The following ECHDC1 variants were observed in gnomAD, a reference collection of about 807,000 sequenced individuals.
ECHDC1 encodes the protein ethylmalonyl-CoA decarboxylase 1.
ECHDC1 carries 29 observed loss-of-function variants against 29.7 expected under a neutral mutation model. The observed-to-expected ratio is 0.98, with a 90% CI of 0.73 to 1.33. ECHDC1 has a LOEUF of 1.33. ECHDC1 is among the 40% of genes most tolerant of loss of function. The pLI, the probability that ECHDC1 is intolerant of heterozygous loss-of-function variation, is 0.00. For missense variants in ECHDC1, 328 were observed against 350.0 expected (o/e 0.94, Z 0.50); for synonymous variants, 126 against 123.1 (o/e 1.02, Z -0.15).
intron 1 of ECHDC1, among the ~76,000 whole-genome samples, chr6:127,338,818 T>A (rs563903238): frequency 1.1e-4 from 16 of 152,294 alleles, no homozygotes; most frequent in African/African-American, 2.9e-4. Flanking sequence ...GAAACACAGA[T>A]GTGATGAATG....
intron 5 of ECHDC1, among the ~76,000 whole-genome samples, chr6:127,304,456 T>C (rs1304189970): frequency 6.6e-6 from 1 of 152,098 alleles, no homozygotes; most frequent in Non-Finnish European, 1.5e-5. Flanking sequence ...ACTGTGAAGA[T>C]TATAATAAAT....
chr6:127,335,021 A>C (rs1784310078), intron 1 of ECHDC1, among the ~76,000 whole-genome samples: 2 of 152,152 alleles, frequency 1.3e-5, no homozygotes, highest in South Asian at 4.1e-4. Context: ...GAATGTAGGC[A>C]AGTAAAAAAA....
intron 2 of ECHDC1, among the ~76,000 whole-genome samples, chr6:127,328,870 TA>T (rs1396757613): frequency 1.3e-5 from 2 of 151,490 alleles, no homozygotes; most frequent in African/African-American, 4.9e-5. Flanking sequence ...ACTAAAAATA[TA>T]AAAAAACTAG....
intron 3 of ECHDC1, among the ~76,000 whole-genome samples, chr6:127,319,885 A>G (rs888502846): frequency 1.3e-5 from 2 of 152,248 alleles, no homozygotes; most frequent in Non-Finnish European, 2.9e-5. Flanking sequence ...TATGTACTCT[A>G]AGCCATGTTT....
intron 4 of ECHDC1, chr6:127,315,210 A>G: frequency 2.0e-6 from 1 of 495,814 alleles, no homozygotes; most frequent in Non-Finnish European, 3.9e-6. Context: ...GCTTTTGTCT[A>G]ATTTACAGCT....
intron 1 of ECHDC1, among the ~76,000 whole-genome samples, chr6:127,333,860 T>C (rs1784191693): frequency 6.6e-6 from 1 of 152,178 alleles, no homozygotes; most frequent in Non-Finnish European, 1.5e-5. Context: ...TCTTCTTTGT[T>C]TTTTCTATTT....
intron 3 of ECHDC1, among the ~76,000 whole-genome samples, chr6:127,323,947 G>A (rs567397815): frequency 6.6e-6 from 1 of 152,078 alleles, no homozygotes; most frequent in Non-Finnish European, 1.5e-5. Flanking sequence ...TTTTAAATTT[G>A]TTACTACTTC....
intron 1 of ECHDC1, among the ~76,000 whole-genome samples, chr6:127,335,695 C>T (rs1043786276): frequency 1.3e-5 from 2 of 151,998 alleles, no homozygotes; most frequent in African/African-American, 4.8e-5. Context: ...CACTGGGTGA[C>T]CTACTTAATG....
rs1216199163 is a variant in ECHDC1 at position 127,314,830 on chromosome 6, TGTA to T, written c.480_482del (p.Thr161del). ...TTTCATCCTACCTGAAATCACATGC[TGTA>T]GTAAATTCTGCTCCTCCACCCAATG... On this transcript the variant is annotated inframe_deletion, in exon 5 of 6. Coordinates refer to ENST00000454859, the MANE Select transcript of ECHDC1 (RefSeq NM_001002030.2). The T allele has an allele frequency of 1.2e-6, 2 of 1,608,450 alleles. No individual in the cohort carries two copies. The highest frequency in any genetic ancestry group is 1.1e-5 in the South Asian group (1 of 89,252).
In ECHDC1 at chr6:127,330,838, T is replaced by A; in HGVS notation, c.191A>T (p.Asn64Ile). Residue 64 changes from asparagine (N) to isoleucine (I), a missense_variant, in exon 2 of 6, where the codon AAC (asparagine) becomes ATC (isoleucine). Asn to Ile is a moderately radical substitution (Grantham distance 149). Transcript: ENST00000454859. ...AAAGGCATTCATTCTACTTGGATTG[T>A]TCAGAGTAAGAATGCCAATGCCATT... ...EDNGIGILTL[N>I]NPSRMNAFSG... 6.2e-7 allele frequency: 1 copy of A among 1,613,992 alleles called. No homozygotes were observed. The highest frequency in any genetic ancestry group is 8.5e-7 in the Non-Finnish European group (1 of 1,179,934).
At chr6:127,292,461 C>CT (rs1182375330) in intron 5 of ECHDC1, among the ~76,000 whole-genome samples, 2 of 151,862 alleles carry the variant, frequency 1.3e-5, no homozygotes, top group African/African-American at 4.8e-5. Flanking sequence ...TGATCAAAAT[C>CT]TAACATCCAT....
At chr6:127,330,165 G>A (rs992500968) in intron 2 of ECHDC1, among the ~76,000 whole-genome samples, 8 of 152,176 alleles carry the variant, frequency 5.3e-5, no homozygotes, top group Non-Finnish European at 7.3e-5. Flanking sequence ...CAGTGGTAGC[G>A]TAGTTCAAAT....
At chr6:127,297,532 C>G (rs1444994183) in intron 5 of ECHDC1, among the ~76,000 whole-genome samples, 1 of 152,162 alleles carries the variant, frequency 6.6e-6, no homozygotes, top group Non-Finnish European at 1.5e-5. Flanking sequence ...AAAAACTAAA[C>G]TGCAACTACA....
intron 5 of ECHDC1, among the ~76,000 whole-genome samples, chr6:127,310,802 T>G (rs1781837008): frequency 6.6e-6 from 1 of 152,142 alleles, no homozygotes; most frequent in South Asian, 2.1e-4. Context: ...AAACAGTCAA[T>G]CGGTTAACAA....
intron 1 of ECHDC1, among the ~76,000 whole-genome samples, chr6:127,336,554 T>C (rs1048196157): frequency 2.6e-5 from 4 of 152,212 alleles, no homozygotes; most frequent in African/African-American, 9.7e-5. Flanking sequence ...TCTACCATTA[T>C]TGGAAAATGA....
At chr6:127,329,872 C>T in intron 2 of ECHDC1, 1 of 455,378 alleles carries the variant, frequency 2.2e-6, no homozygotes, top group Non-Finnish European at 4.4e-6. Flanking sequence ...ATAGAGAAAT[C>T]TCTCTGAATT....
intron 5 of ECHDC1, among the ~76,000 whole-genome samples, chr6:127,314,513 T>C (rs920224076): frequency 6.6e-6 from 1 of 152,164 alleles, no homozygotes; most frequent in African/African-American, 2.4e-5. Context: ...TTCTTTTGGA[T>C]TTTTAAGTTT....
intron 3 of ECHDC1, chr6:127,317,767 G>A (rs575337145): frequency 2.0e-5 from 3 of 152,090 alleles, no homozygotes; most frequent in Admixed American, 1.3e-4. Context: ...ACTTCCCCTC[G>A]GATCTACCTT....
chr6:127,328,477 G>C (rs1038216462), intron 2 of ECHDC1, among the ~76,000 whole-genome samples: 1 of 152,160 alleles, frequency 6.6e-6, no homozygotes, highest in Non-Finnish European at 1.5e-5. Flanking sequence ...CTAGGTGTAA[G>C]TACACCCTAC....
Sources: allele counts gnomAD v4.1 joint callset (sites outside exome capture counted in the v4.1 genomes callset), GRCh38; gene constraint gnomAD v4.1.1; transcripts MANE v1.5; gene names NCBI Gene and HGNC (gene_info 2026-07-23, HGNC 2026-07-21).